The following NLGN1 variants were observed in gnomAD, a reference collection of about 807,000 sequenced individuals.
NLGN1 encodes the protein neuroligin-1.
A neutral mutation model predicts 65.5 loss-of-function variants in NLGN1; 12 were observed. The observed-to-expected ratio is 0.18, with a 90% CI of 0.12 to 0.30. The LOEUF is 0.30. Among genes scored for constraint, NLGN1 ranks in the 10% least tolerant of loss-of-function variants. The pLI, the probability that NLGN1 is intolerant of heterozygous loss-of-function variation, is 1.00. For missense variants in NLGN1, 750 were observed against 1,007.1 expected (o/e 0.74, Z 3.46); for synonymous variants, 350 against 359.5 (o/e 0.97, Z 0.30).
rs112560290 is a variant in NLGN1, at chr3:173,797,696, C to CAAAAAAAAAA, written c.494-9982_494-9981insAAAAAAAAAA. On this transcript the variant is annotated intron_variant, in intron 3 of 6. Coordinates refer to ENST00000457714, the Ensembl canonical transcript of NLGN1. ...ACAAAAAATAAAACAACAACAACAA[C>CAAAAAAAAAA]AACAAAAAAAAACAAGAAACAAACA... Among the ~76,000 whole-genome samples the CAAAAAAAAAA allele has an allele frequency of 7.6e-5, 11 of 144,738 alleles. No homozygotes were observed. In the East Asian group the frequency reaches 1.0e-3, roughly 14 times the overall value. 95.0% of individuals were successfully genotyped at this position (144,738 alleles called of 152,430 possible).
chr3:173,556,790 C>T (rs1187874715), intron 2 of NLGN1, among the ~76,000 whole-genome samples: 1 of 135,764 alleles, frequency 7.4e-6, no homozygotes. Context: ...GGTGACAGAG[C>T]GAGGACCTGT....
intron 3 of NLGN1, among the ~76,000 whole-genome samples, chr3:173,723,775 C>T (rs191436286): frequency 5.5e-4 from 84 of 152,150 alleles, no homozygotes; most frequent in African/African-American, 2.0e-3. Context: ...CTTTTACTGC[C>T]ATGAAAAGAA....
chr3:174,265,772 T>TAC (rs1184474054), intron 4 of NLGN1, among the ~76,000 whole-genome samples: 6 of 119,716 alleles, frequency 5.0e-5, no homozygotes, highest in African/African-American at 1.4e-4. Context: ...GCTATATATA[T>TAC]ATATATATAT....
At chr3:173,659,722 G>T (rs1044311822) in intron 3 of NLGN1, among the ~76,000 whole-genome samples, 4 of 151,650 alleles carry the variant, frequency 2.6e-5, no homozygotes, top group Admixed American at 2.6e-4. Flanking sequence ...GTACCTTATG[G>T]TTTCTTATTT....
intron 4 of NLGN1, among the ~76,000 whole-genome samples, chr3:174,056,582 A>G (rs1186408148): frequency 6.6e-6 from 1 of 152,052 alleles, no homozygotes; most frequent in Admixed American, 6.6e-5. Flanking sequence ...AGTTTGTATC[A>G]TGGAAGTTCT....
At chr3:174,032,409 G>C (rs916619659) in intron 4 of NLGN1, among the ~76,000 whole-genome samples, 1 of 152,154 alleles carries the variant, frequency 6.6e-6, no homozygotes, top group African/African-American at 2.4e-5. Flanking sequence ...TCTTTAGGTG[G>C]TATCAATGCA....
At chr3:173,438,569 G>A (rs1436577080) in intron 2 of NLGN1, among the ~76,000 whole-genome samples, 1 of 152,050 alleles carries the variant, frequency 6.6e-6, no homozygotes, top group East Asian at 1.9e-4. Context: ...ATTGATACCT[G>A]TTATAATTAT....
At chr3:173,547,326 C>T (rs1480216580) in intron 2 of NLGN1, among the ~76,000 whole-genome samples, 1 of 152,116 alleles carries the variant, frequency 6.6e-6, no homozygotes, top group African/African-American at 2.4e-5. Flanking sequence ...AGAAGTACTT[C>T]ATCCTAATTA....
At chr3:173,909,826 G>T (rs1579124304) in intron 4 of NLGN1, among the ~76,000 whole-genome samples, 1 of 152,110 alleles carries the variant, frequency 6.6e-6, no homozygotes, top group African/African-American at 2.4e-5. Flanking sequence ...ATACGGGCAT[G>T]TGCCACCACG....
intron 4 of NLGN1, among the ~76,000 whole-genome samples, chr3:173,878,162 C>G (rs543128252): frequency 6.6e-6 from 1 of 152,058 alleles, no homozygotes; most frequent in Non-Finnish European, 1.5e-5. Flanking sequence ...CTGCCTCAGC[C>G]TCCCAAGTAG....
At chr3:174,275,625 G>GTGT (rs1376206239) in intron 5 of NLGN1, 98 bp downstream of exon 5, 5 of 723,262 alleles carry the variant, frequency 6.9e-6, no homozygotes, top group Non-Finnish European at 1.2e-5. Context: ...TTCAAACTGA[G>GTGT]TGTTAGGTTG....
intron 2 of NLGN1, among the ~76,000 whole-genome samples, chr3:173,568,150 T>G (rs13060571): frequency 0.012 from 1,777 of 151,960 alleles, 11 homozygotes; most frequent in Non-Finnish European, 0.017. Flanking sequence ...CCTTCCTTCC[T>G]TCCTTTCCTT....
chr3:173,415,904 T>TATAGAGAGAG (rs1380777305), intron 1 of NLGN1, among the ~76,000 whole-genome samples: 71 of 125,458 alleles, frequency 5.7e-4, no homozygotes, highest in African/African-American at 2.2e-3. Context: ...TATATATATA[T>TATAGAGAGAG]AGAGAGAGAG....
chr3:173,810,567 G>A (rs1463058999), intron 4 of NLGN1, among the ~76,000 whole-genome samples: 2 of 152,196 alleles, frequency 1.3e-5, no homozygotes, highest in Admixed American at 6.5e-5. Context: ...GGAACAGGTA[G>A]TGCAATCTGT....
chr3:174,028,044 AG>A (rs1254952768), intron 4 of NLGN1, among the ~76,000 whole-genome samples: 1 of 152,188 alleles, frequency 6.6e-6, no homozygotes, highest in Non-Finnish European at 1.5e-5. Context: ...CCACCATGTA[AG>A]ATGTGACTTT....
intron 3 of NLGN1, among the ~76,000 whole-genome samples, chr3:173,756,780 C>G (rs747775962): frequency 1.2e-4 from 18 of 147,266 alleles, no homozygotes; most frequent in Admixed American, 2.0e-4. Flanking sequence ...AAAAAAAAAC[C>G]CAGAAACACA....
intron 2 of NLGN1, among the ~76,000 whole-genome samples, chr3:173,449,475 A>T (rs1184771503): frequency 6.6e-6 from 1 of 152,172 alleles, no homozygotes; most frequent in Non-Finnish European, 1.5e-5. Flanking sequence ...GGAGTGCTTT[A>T]CTTCCAACTA....
chr3:173,781,144 C>CACAAAAAAA (rs774460899), intron 3 of NLGN1, among the ~76,000 whole-genome samples: 1 of 80,398 alleles, frequency 1.2e-5, no homozygotes, highest in African/African-American at 5.5e-5. Context: ...GACTCCGTCT[C>CACAAAAAAA]AAAAAAAAAA....
chr3:173,500,204 T>C (rs915993942), intron 2 of NLGN1, among the ~76,000 whole-genome samples: 3 of 152,182 alleles, frequency 2.0e-5, no homozygotes, highest in Non-Finnish European at 4.4e-5. Flanking sequence ...TAGATAGCTC[T>C]TATTATTTTG....
Sources: gnomAD v4.1 joint callset for allele counts (sites outside exome capture counted in the v4.1 genomes callset) on GRCh38, gnomAD v4.1.1 for gene constraint, MANE v1.5 for transcripts, NCBI Gene and HGNC (gene_info 2026-07-23, HGNC 2026-07-21) for gene names.